ATP11A: variants seen among roughly 807,000 people sequenced by gnomAD.
ATP11A encodes ATPase phospholipid transporting 11A, also known as phospholipid-transporting ATPase IH.
Under a neutral mutation model 154.4 loss-of-function variants are expected in ATP11A, and 81 were observed. The ratio of observed to expected loss-of-function variants is 0.52; its 90% confidence interval spans 0.44 to 0.63. The LOEUF (loss-of-function observed/expected upper bound fraction) is 0.63. ATP11A is among the 30% of genes least tolerant of loss of function. The probability of loss-of-function intolerance (pLI) is 0.00; values close to 1 mark genes in which losing one functional copy is unlikely to be tolerated. For missense variants in ATP11A, 1,316 were observed against 1,474.3 expected, an observed-to-expected ratio of 0.89 and a Z score of 1.76; for synonymous variants, 623 against 585.9, an observed-to-expected ratio of 1.06 and a Z score of -0.91.
intron 13 of ATP11A, among the ~76,000 whole-genome samples, chr13:112,832,389 T>G (rs2079118924): frequency 6.6e-6 from 1 of 152,194 alleles, no homozygotes; most frequent in Non-Finnish European, 1.5e-5. Context: ...AATGTGACAA[T>G]GTGAGTCAAC....
rs747624023 is a variant in ATP11A, at chr13:112,881,904, C to T, written c.*38C>T. 14 of 1,367,722 alleles carry T rather than the reference C, an allele frequency of 1.0e-5. No homozygotes were observed. In the Admixed American group the frequency reaches 1.9e-4, roughly 19 times the overall value. The allele number at this position is 1,367,722 out of a possible 1,614,324, so 84.7% of individuals were successfully genotyped here. Reference sequence around the variant, plus strand: ...CCAGGCTACCAGAGCACCTGTCCCTCGGCCGCCTGGTACAGCTCCCACTCT... The same window carrying T: ...CCAGGCTACCAGAGCACCTGTCCCTTGGCCGCCTGGTACAGCTCCCACTCT... On this transcript the variant is annotated 3_prime_UTR_variant, in exon 30 of 30. Transcript: ENST00000375645.
At position 112,824,377 on chromosome 13, in the gene ATP11A, T is replaced by A. The variant is rs769316766; in HGVS notation, c.824T>A (p.Met275Lys). 6 of 1,614,066 alleles carry A rather than the reference T, an allele frequency of 3.7e-6. No individual in the cohort carries two copies. The highest frequency in any genetic ancestry group is 5.1e-6 in the Non-Finnish European group (6 of 1,180,030). ...VAIYTGMETK[M>K]ALNYQSKSQK... Reference sequence around the variant, plus strand: ...ATTTACACGGGAATGGAAACCAAGATGGCATTAAATTATCAATCAAAATCT... The same window carrying A: ...ATTTACACGGGAATGGAAACCAAGAAGGCATTAAATTATCAATCAAAATCT... Residue 275 changes from methionine (M) to lysine (K), a missense_variant, in exon 10 of 30, where the codon ATG becomes AAG. Physicochemically the swap from Met to Lys is moderately conservative, Grantham distance 95. This residue lies in a region of ATP11A where 876 missense variants were observed against 1,006.8 expected (regional missense o/e 0.87). Coordinates refer to ENST00000375645, the MANE Select transcript of ATP11A (RefSeq NM_015205.3).
In ATP11A at chr13:112,859,041, T is replaced by G; in HGVS notation, c.2668-352T>G. The G allele has an allele frequency of 3.5e-6, 1 of 287,366 alleles. No homozygotes were observed. The highest frequency in any genetic ancestry group is 1.2e-3 in the Middle Eastern group (1 of 806). 17.8% of individuals were successfully genotyped at this position (287,366 alleles called of 1,614,324 possible). ...CCTTTTCTCCCCCCACAGAATTGAG[T>G]GTGGAACCAGTGAGAACCTTTCAGG... On this transcript the variant is annotated intron_variant, in intron 22 of 29. Coordinates refer to ENST00000375645, the MANE Select transcript of ATP11A (RefSeq NM_015205.3). The surrounding 1 kb of genome is among the most constrained non-coding windows in gnomAD (Gnocchi z 4.3).
At chr13:112,718,037 C>T (rs1374613690) in intron 1 of ATP11A, among the ~76,000 whole-genome samples, 2 of 152,222 alleles carry the variant, frequency 1.3e-5, no homozygotes, top group Admixed American at 6.5e-5. Context: ...GATTGCACCA[C>T]TGCACTGCAG....
intron 1 of ATP11A, among the ~76,000 whole-genome samples, chr13:112,781,192 C>A (rs915713499): frequency 7.9e-5 from 12 of 152,094 alleles, no homozygotes; most frequent in Admixed American, 7.9e-4. Context: ...CGCCCACATG[C>A]CCGGCTAATT....
chr13:112,885,627 C>T lies in ATP11A; in HGVS notation c.*3761C>T, dbSNP rs1464371762. 2 of 152,346 alleles carry T rather than the reference C, an allele frequency of 1.3e-5. No homozygotes were observed. The highest frequency in any genetic ancestry group is 4.8e-5 in the African/African-American group (2 of 41,466). The allele number at this position is 152,346 out of a possible 1,614,324, so 9.4% of individuals were successfully genotyped here. A position where few individuals can be genotyped will look rare whatever the true frequency, so the allele number is the denominator to read the frequency against. On this transcript the variant is annotated 3_prime_UTR_variant, in exon 30 of 30. Coordinates refer to ENST00000375645, the MANE Select transcript of ATP11A (RefSeq NM_015205.3). ...ACACGTACACATGCACATGTACGCA[C>T]CACAAACACATGCGCAGGCTCCTGC...
chr13:112,750,971 G>C (rs972925383), intron 1 of ATP11A, among the ~76,000 whole-genome samples: 1 of 152,228 alleles, frequency 6.6e-6, no homozygotes. Context: ...ATGTCATCAT[G>C]AGGTACAATA....
At position 112,882,527 on chromosome 13, in the gene ATP11A, T is replaced by C. The variant is rs554848411; in HGVS notation, c.*661T>C. 308 of 453,308 alleles carry C rather than the reference T, an allele frequency of 6.8e-4. 1 individual carries two copies. Among genetic ancestry groups the C allele is most frequent in the Admixed American group, 3.8e-3 (98 of 26,080 alleles). The allele number at this position is 453,308 out of a possible 1,614,324, so 28.1% of individuals were successfully genotyped here. On this transcript the variant is annotated 3_prime_UTR_variant, in exon 30 of 30. Transcript: ENST00000375645. This position sits in a 1 kb window ranked among gnomAD's most constrained non-coding sequence, Gnocchi z 5.1. ...CGGGTCACTCGGATACCATCATCCC[T>C]GCGGATGCACCGCCGTACCCTGCTC...
intron 1 of ATP11A, among the ~76,000 whole-genome samples, chr13:112,766,081 C>T (rs1021561255): frequency 6.6e-6 from 1 of 152,038 alleles, no homozygotes; most frequent in African/African-American, 2.4e-5. Context: ...ATGTGCCCAC[C>T]TGCTTGAGGA....
chr13:112,811,237 T>C (rs1193855568), intron 5 of ATP11A, among the ~76,000 whole-genome samples: 8 of 136,956 alleles, frequency 5.8e-5, no homozygotes, highest in African/African-American at 1.2e-4. Context: ...CACACCAGGA[T>C]TGGTGGAATA....
At chr13:112,867,964 C>A (rs766322485) in intron 25 of ATP11A, among the ~76,000 whole-genome samples, 1 of 152,198 alleles carries the variant, frequency 6.6e-6, no homozygotes, top group South Asian at 2.1e-4. Context: ...CTAAATTATT[C>A]TATAGGAATA....
intron 12 of ATP11A, 97 bp downstream of exon 12, chr13:112,826,988 G>T: frequency 7.8e-7 from 1 of 1,287,124 alleles, no homozygotes; most frequent in East Asian, 2.5e-5. Context: ...GAGCGTGGCT[G>T]TACCTGTAGC....
At position 112,859,597 on chromosome 13, in the gene ATP11A, G is replaced by A. The variant is rs1172145095; in HGVS notation, c.2727+145G>A. The A allele has an allele frequency of 1.4e-6, 1 of 739,726 alleles. No individual in the cohort carries two copies. Among genetic ancestry groups the A allele is most frequent in the Non-Finnish European group, 2.4e-6 (1 of 415,602 alleles). The allele number at this position is 739,726 out of a possible 1,614,324, so 45.8% of individuals were successfully genotyped here. A position where few individuals can be genotyped will look rare whatever the true frequency, so the allele number is the denominator to read the frequency against. On this transcript the variant is annotated intron_variant, in intron 23 of 29. Coordinates refer to ENST00000375645, the MANE Select transcript of ATP11A (RefSeq NM_015205.3). The surrounding 1 kb of genome is among the most constrained non-coding windows in gnomAD (Gnocchi z 4.3). ...GCCAGGGTGCCCAGCAGCAGGCGGG[G>A]GTGAAGGGTCGGGCCTGGGGAGGGG... is the stretch of plus-strand genomic sequence containing the variant.
Position 112,785,390 on chromosome 13 carries a change from G to C in ATP11A, c.162+133G>C. ...CACAGCCACCAGCCACCCCCAGCAA[G>C]GGCTTCGGATCAGGACCTCACCGAG... On this transcript the variant is annotated intron_variant, in intron 2 of 29. Transcript: ENST00000375645. This position sits in a 1 kb window ranked among gnomAD's most constrained non-coding sequence, Gnocchi z 4.8. 9.0e-7 allele frequency: 1 copy of C among 1,109,630 alleles called. No individual in the cohort carries two copies. Among genetic ancestry groups the C allele is most frequent in the Non-Finnish European group, 1.2e-6 (1 of 846,938 alleles). 68.7% of individuals were successfully genotyped at this position (1,109,630 alleles called of 1,614,324 possible).
At position 112,846,945 on chromosome 13, in the gene ATP11A, C is replaced by T. The variant is rs116095811; in HGVS notation, c.1810-4092C>T. Among the ~76,000 whole-genome samples the T allele has an allele frequency of 4.8e-3, 736 of 152,316 alleles. 6 individuals carry two copies. Among genetic ancestry groups the T allele is most frequent in the African/African-American group, 0.017 (692 of 41,564 alleles). On this transcript the variant is annotated intron_variant, in intron 17 of 29. Transcript: ENST00000375645. ...TCCTGGCAGCAGGCTGTCCCACCCT[C>T]CTCCTAATGGCTTGTTGCTGGCCTC...
intron 17 of ATP11A, among the ~76,000 whole-genome samples, chr13:112,846,385 G>A (rs769495117): frequency 2.6e-5 from 4 of 151,880 alleles, no homozygotes; most frequent in South Asian, 4.1e-4. Context: ...AGTTTTTCCC[G>A]TGCAGCGTCT....
chr13:112,720,484 C>G (rs984578547), intron 1 of ATP11A, among the ~76,000 whole-genome samples: 7 of 152,180 alleles, frequency 4.6e-5, no homozygotes, highest in African/African-American at 1.7e-4. Context: ...TCCCGTGAGC[C>G]TGGGTTGAGG....
In ATP11A at chr13:112,878,528, C is replaced by T. The variant is rs530109208; in HGVS notation, c.*9+225C>T. On this transcript the variant is annotated intron_variant, in intron 29 of 29. Coordinates refer to ENST00000375645, the MANE Select transcript of ATP11A (RefSeq NM_015205.3). ...TCACAGTTAACCAGGGTTTCTCCCT[C>T]AGCGTCCGTGCAGCCTCAGAACCCA... 130 of 595,578 alleles carry T rather than the reference C, an allele frequency of 2.2e-4. No individual in the cohort carries two copies. The African/African-American group carries it at 2.3e-3, about 11-fold the overall frequency. 36.9% of individuals were successfully genotyped at this position (595,578 alleles called of 1,614,324 possible). A position where few individuals can be genotyped will look rare whatever the true frequency, so the allele number is the denominator to read the frequency against.
intron 1 of ATP11A, among the ~76,000 whole-genome samples, chr13:112,742,472 G>T (rs533323113): frequency 4.6e-5 from 7 of 152,206 alleles, no homozygotes; most frequent in Non-Finnish European, 8.8e-5. Context: ...TATGACAGGT[G>T]CTGTCTGATT....
Sources: gnomAD v4.1 joint callset for allele counts (sites outside exome capture counted in the v4.1 genomes callset) on GRCh38, gnomAD v4.1.1 for gene constraint, gnomAD v4.1.1 regional missense constraint, Gnocchi (gnomAD v3.1) non-coding constraint, MANE v1.5 for transcripts, NCBI Gene and HGNC (gene_info 2026-07-23, HGNC 2026-07-21) for gene names.